Variants in PGR observed in about 807,000 individuals in gnomAD.
The protein encoded by PGR is progesterone receptor.
PGR carries 25 observed loss-of-function variants against 76.1 expected under a neutral mutation model. The ratio of observed to expected loss-of-function variants is 0.33; its 90% CI spans 0.24 to 0.46. The LOEUF (loss-of-function observed/expected upper bound fraction) is 0.46, where lower values mean the gene tolerates loss of function less well. PGR is among the 20% of genes least tolerant of loss of function. PGR has a pLI of 1.00. For missense variants in PGR, 1,172 were observed against 1,225.3 expected (o/e 0.96, Z 0.65); for synonymous variants, 579 against 535.0 (o/e 1.08, Z -1.14).
chr11:101,112,972 T>C (rs1397326821), intron 2 of PGR, among the ~76,000 whole-genome samples: 4 of 152,252 alleles, frequency 2.6e-5, no homozygotes, highest in Admixed American at 1.3e-4. Context: ...ATGTGTTCAA[T>C]AAATGCCACT....
chr11:101,068,367 A>G (rs575426739), intron 3 of PGR, among the ~76,000 whole-genome samples: 1 of 152,302 alleles, frequency 6.6e-6, no homozygotes, highest in East Asian at 1.9e-4. Flanking sequence ...CAAGGAAATC[A>G]GGGCACAAAC....
chr11:101,084,606 TGAGATTGCGCCACTGCACTCCA>T (rs147664832), intron 3 of PGR, among the ~76,000 whole-genome samples: 37,009 of 150,972 alleles, frequency 0.25, 5,643 homozygotes, highest in Non-Finnish European at 0.35. Context: ...TGCAGTGAGC[TGAGATTGCGCCACTGCACTCCA>T]GCCTGGGCAT....
intron 2 of PGR, among the ~76,000 whole-genome samples, chr11:101,099,177 T>C (rs963317477): frequency 4.6e-5 from 7 of 152,350 alleles, no homozygotes; most frequent in Non-Finnish European, 1.0e-4. Context: ...AATGATCACC[T>C]ACAGCATAAT....
At chr11:101,069,571 G>A (rs1161350565) in intron 3 of PGR, among the ~76,000 whole-genome samples, 1 of 152,126 alleles carries the variant, frequency 6.6e-6, no homozygotes, top group Non-Finnish European at 1.5e-5. Context: ...TATGTTTACT[G>A]CAGCAGTATT....
chr11:101,085,525 TA>T (rs1212568882), intron 3 of PGR, among the ~76,000 whole-genome samples: 6,069 of 41,882 alleles, frequency 0.14, 65 homozygotes, highest in Non-Finnish European at 0.17. Context: ...CTAGAGGAAC[TA>T]AAAAAAAAAA....
At chr11:101,062,889 T>G in intron 3 of PGR, 137 bp from the exon 4 acceptor site, 1 of 599,030 alleles carries the variant, frequency 1.7e-6, no homozygotes, top group South Asian at 2.4e-5. Context: ...ATAAAAGTGT[T>G]AGATATTAAA....
chr11:101,094,189 T>C (rs1378529842), intron 2 of PGR, among the ~76,000 whole-genome samples: 3 of 152,008 alleles, frequency 2.0e-5, no homozygotes, highest in Non-Finnish European at 4.4e-5. Context: ...ACATTCCCCT[T>C]TTTTTGGTCC....
At position 101,033,270 on chromosome 11, in the gene PGR, T is replaced by C. The variant is rs755355785; in HGVS notation, c.*5846A>G. The C allele has an allele frequency of 2.9e-5, 6 of 206,980 alleles. No individual in the cohort carries two copies. Among genetic ancestry groups the C allele is most frequent in the Non-Finnish European group, 4.9e-5 (5 of 101,478 alleles). The allele number at this position is 206,980 out of a possible 1,614,324, so 12.8% of individuals were successfully genotyped here. A position where few individuals can be genotyped will look rare whatever the true frequency, so the allele number is the denominator to read the frequency against. On this transcript the variant is annotated 3_prime_UTR_variant, in exon 8 of 8. Transcript: ENST00000325455. ...TAGTTTAGGCAAATTCTGGAAAGTA[T>C]TTCTACCTTATGGAGAACAAGCAGA...
At position 101,115,033 on chromosome 11, in the gene PGR, T is replaced by C. The variant is rs550395196; in HGVS notation, c.1789+10974A>G. Among the ~76,000 whole-genome samples, 11 of 152,246 alleles carry C rather than the reference T, an allele frequency of 7.2e-5. No homozygotes were observed. The South Asian group carries it at 2.3e-3, about 32-fold the overall frequency. On this transcript the variant is annotated intron_variant, in intron 2 of 7. Coordinates refer to ENST00000325455, the MANE Select transcript of PGR (RefSeq NM_000926.4). Reference sequence around the variant, plus strand: ...CTTTAAAGCAGTGGTAAGCTAACTTTTTTGGGGGTGGGAATAAGGGGTCAC... The same window carrying C: ...CTTTAAAGCAGTGGTAAGCTAACTTCTTTGGGGGTGGGAATAAGGGGTCAC...
In PGR at chr11:101,127,847, A is replaced by C. The variant is rs1862920363; in HGVS notation, c.1224T>G (p.Gly408=). ...AATCCGGGAAGGCTGCGGGGTTGGC[A>C]CCGGCCACAAGGTAGGAACGCGGGG... is the stretch of plus-strand genomic sequence containing the variant. ...ARSPRSYLVA[G]ANPAAFPDFP... is the part of the protein sequence containing the mutation. The change falls in exon 1 of 8, where the codon GGT becomes GGG. Residue 408 remains glycine, a synonymous_variant. Transcript: ENST00000325455. The C allele has an allele frequency of 1.3e-6, 2 of 1,589,366 alleles. No homozygotes were observed. Among genetic ancestry groups the C allele is most frequent in the African/African-American group, 1.3e-5 (1 of 74,776 alleles).
intron 4 of PGR, among the ~76,000 whole-genome samples, chr11:101,057,951 TATGA>T (rs1414672271): frequency 2.0e-5 from 3 of 152,150 alleles, no homozygotes; most frequent in East Asian, 1.9e-4. Context: ...AAGACAAGAC[TATGA>T]ATGAGCTTAT....
chr11:101,121,794 C>T (rs1036680795), intron 2 of PGR, among the ~76,000 whole-genome samples: 9 of 152,276 alleles, frequency 5.9e-5, no homozygotes, highest in South Asian at 4.2e-4. Flanking sequence ...TAGTGCCTGG[C>T]GCATGGCAGG....
intron 3 of PGR, among the ~76,000 whole-genome samples, chr11:101,089,816 C>A (rs1203348213): frequency 6.6e-6 from 1 of 152,042 alleles, no homozygotes; most frequent in Non-Finnish European, 1.5e-5. Flanking sequence ...CTGTGAAGCC[C>A]GTAGAATATG....
rs1565339048 is a variant in PGR at position 101,062,686 on chromosome 11, T to C, written c.1973A>G (p.Gln658Arg). 2 of 1,613,930 alleles carry C rather than the reference T, an allele frequency of 1.2e-6. No homozygotes were observed. The highest frequency in any genetic ancestry group is 1.3e-5 in the African/African-American group (1 of 75,054). ...VRALDAVALP[Q>R]PVGVPNESQA... ...GCTTTCATTTGGAACGCCCACTGGC[T>C]GTGGGAGAGCAACAGCATCCAGTGC... The change falls in exon 4 of 8, where the codon CAG becomes CGG. Residue 658 changes from glutamine (Q) to arginine (R), a missense_variant. Transcript: ENST00000325455.
At chr11:101,063,711 A>C (rs970770268) in intron 3 of PGR, 3 of 152,248 alleles carry the variant, frequency 2.0e-5, no homozygotes, top group Non-Finnish European at 4.4e-5. Flanking sequence ...CAGAGGTTGC[A>C]ATCTGCTGGC....
At chr11:101,067,740 A>G (rs909864078) in intron 3 of PGR, among the ~76,000 whole-genome samples, 3 of 152,204 alleles carry the variant, frequency 2.0e-5, no homozygotes, top group Non-Finnish European at 4.4e-5. Context: ...TAAATGGGAG[A>G]TACTCATACA....
In PGR at chr11:101,127,665, G is replaced by T; in HGVS notation, c.1406C>A (p.Pro469Gln). ...ECILYKAEGA[P>Q]PQQGPFAPPP... is the part of the protein sequence containing the mutation. ...CGGCGCGAACGGGCCCTGCTGGGGC[G>T]GCGCGCCCTCCGCTTTGTACAGGAT... The change falls in exon 1 of 8, where the codon CCG (proline) becomes CAG (glutamine). Residue 469 changes from proline to glutamine, a missense_variant. Physicochemically the swap from Pro to Gln is moderately conservative, Grantham distance 76. Transcript: ENST00000325455. 1 of 1,533,830 alleles carries T rather than the reference G, an allele frequency of 6.5e-7. No individual in the cohort carries two copies. Among genetic ancestry groups the T allele is most frequent in the Non-Finnish European group, 8.7e-7 (1 of 1,148,310 alleles).
At position 101,037,709 on chromosome 11, in the gene PGR, G is replaced by GAT. The variant is rs1271219164; in HGVS notation, c.*1405_*1406dup. 4.4e-6 allele frequency: 1 copy of GAT among 226,330 alleles called. No homozygotes were observed. The highest frequency in any genetic ancestry group is 8.8e-6 in the Non-Finnish European group (1 of 113,768). 14.0% of individuals were successfully genotyped at this position (226,330 alleles called of 1,614,324 possible). A position where few individuals can be genotyped will look rare whatever the true frequency, so the allele number is the denominator to read the frequency against. On this transcript the variant is annotated 3_prime_UTR_variant, in exon 8 of 8. Coordinates refer to ENST00000325455, the MANE Select transcript of PGR (RefSeq NM_000926.4). ...AGGTGGAAAATTTAAAAGTAATGAA[G>GAT]ATAATTGATGGAGATAAAGCATGGG...
intron 3 of PGR, among the ~76,000 whole-genome samples, chr11:101,085,397 C>T (rs745514033): frequency 1.3e-4 from 19 of 151,224 alleles, no homozygotes; most frequent in Non-Finnish European, 2.2e-4. Context: ...TGAAAACAGA[C>T]ACAACATACC....
Sources: gnomAD v4.1 joint callset for allele counts (sites outside exome capture counted in the v4.1 genomes callset) on GRCh38, gnomAD v4.1.1 for gene constraint, MANE v1.5 for transcripts, NCBI Gene and HGNC (gene_info 2026-07-23, HGNC 2026-07-21) for gene names.